Variants in PPP1R16B observed in about 807,000 individuals in gnomAD.
The protein encoded by PPP1R16B is protein phosphatase 1 regulatory inhibitor subunit 16B.
In PPP1R16B, 14 loss-of-function variants were observed where a neutral mutation model predicts 61.7. The ratio of observed to expected loss-of-function variants is 0.23; its 90% confidence interval spans 0.15 to 0.35. The LOEUF (loss-of-function observed/expected upper bound fraction) is 0.35, where lower values mean the gene tolerates loss of function less well. PPP1R16B is among the 10% of genes least tolerant of loss of function. The pLI is 1.00. For synonymous variants in PPP1R16B, 266 were observed against 305.3 expected (o/e 0.87, Z 1.34); for missense variants, 547 against 752.5 (o/e 0.73, Z 3.19).
chr20:38,871,748 C>T (rs2085131615), intron 2 of PPP1R16B, among the ~76,000 whole-genome samples: 1 of 151,896 alleles, frequency 6.6e-6, no homozygotes. Flanking sequence ...GCAGAGATAC[C>T]CTCACAGAGC....
chr20:38,827,553 G>C lies in PPP1R16B; in HGVS notation c.-101-8272G>C, dbSNP rs1175985751. ...AAGGAGCACAGCTGGGAGAATTGGA[G>C]TTACGGAGTTGACCTGTGGGGATCT... is the stretch of plus-strand genomic sequence containing the variant. On this transcript the variant is annotated intron_variant, in intron 1 of 10. Coordinates refer to ENST00000299824, the MANE Select transcript of PPP1R16B (RefSeq NM_015568.4). Among the ~76,000 whole-genome samples the C allele has an allele frequency of 2.0e-5, 3 of 152,234 alleles. No homozygotes were observed. The East Asian group carries it at 5.8e-4, about 29-fold the overall frequency.
intron 1 of PPP1R16B, among the ~76,000 whole-genome samples, chr20:38,835,132 C>T (rs920314777): frequency 2.6e-5 from 4 of 152,204 alleles, no homozygotes; most frequent in Admixed American, 2.6e-4. Flanking sequence ...TCCCAGACCA[C>T]ACTTTGAGAA....
intron 1 of PPP1R16B, among the ~76,000 whole-genome samples, chr20:38,825,459 A>G (rs2084799916): frequency 6.6e-6 from 1 of 152,228 alleles, no homozygotes; most frequent in Non-Finnish European, 1.5e-5. Flanking sequence ...AACAAACCAG[A>G]TAGACCAATT....
intron 1 of PPP1R16B, among the ~76,000 whole-genome samples, chr20:38,819,945 T>C (rs1444838381): frequency 6.6e-6 from 1 of 152,172 alleles, no homozygotes; most frequent in Middle Eastern, 3.2e-3. Context: ...CAACCCCGTA[T>C]GTCCCTTTCC....
At chr20:38,847,201 G>T (rs1026980331) in intron 2 of PPP1R16B, among the ~76,000 whole-genome samples, 6 of 152,132 alleles carry the variant, frequency 3.9e-5, no homozygotes, top group Non-Finnish European at 8.8e-5. Context: ...ATCAATGCTG[G>T]ATGATGACAT....
At chr20:38,815,173 C>T (rs115046435) in intron 1 of PPP1R16B, among the ~76,000 whole-genome samples, 509 of 152,244 alleles carry the variant, frequency 3.3e-3, no homozygotes, top group African/African-American at 0.011. Flanking sequence ...CCCTTTTCCC[C>T]GGAATAAATC....
chr20:38,816,160 AT>A (rs2084734013), intron 1 of PPP1R16B, among the ~76,000 whole-genome samples: 1 of 152,056 alleles, frequency 6.6e-6, no homozygotes, highest in Non-Finnish European at 1.5e-5. Context: ...GGGGTGAGTA[AT>A]TTTAGAATAG....
intron 1 of PPP1R16B, among the ~76,000 whole-genome samples, chr20:38,808,177 G>A (rs1277676190): frequency 6.6e-6 from 1 of 152,210 alleles, no homozygotes; most frequent in Admixed American, 6.5e-5. Context: ...ACAACCCCGT[G>A]AAGTAGGCAT....
At chr20:38,818,491 A>G (rs962706290) in intron 1 of PPP1R16B, among the ~76,000 whole-genome samples, 5 of 152,178 alleles carry the variant, frequency 3.3e-5, no homozygotes, top group Admixed American at 3.3e-4. Flanking sequence ...AGGCAGTGGG[A>G]GCCATCAGAT....
intron 10 of PPP1R16B, among the ~76,000 whole-genome samples, chr20:38,911,201 C>T (rs1380756055): frequency 1.5e-5 from 2 of 136,924 alleles, no homozygotes; most frequent in Non-Finnish European, 3.1e-5. Flanking sequence ...GAGTCTTGCT[C>T]TGTCCCCCAG....
At chr20:38,861,802 G>C (rs58067470) in intron 2 of PPP1R16B, among the ~76,000 whole-genome samples, 1 of 150,398 alleles carries the variant, frequency 6.6e-6, no homozygotes, top group East Asian at 2.0e-4. Flanking sequence ...TCGGCCTCCC[G>C]AGTAGCTGGG....
chr20:38,903,200 C>T (rs887953474), intron 6 of PPP1R16B, among the ~76,000 whole-genome samples: 7 of 152,224 alleles, frequency 4.6e-5, no homozygotes, highest in South Asian at 2.1e-4. Flanking sequence ...GAGCCTGGGT[C>T]GGAGACCTGG....
At chr20:38,905,931 A>G (rs2085437478) in intron 6 of PPP1R16B, 38 bp from the exon 7 acceptor site, 1 of 1,597,812 alleles carries the variant, frequency 6.3e-7, no homozygotes, top group African/African-American at 1.3e-5. Flanking sequence ...TGTGGGGCTG[A>G]TCCCCTGAGG....
chr20:38,876,481 C>T (rs1266743911), intron 2 of PPP1R16B, among the ~76,000 whole-genome samples: 2 of 151,682 alleles, frequency 1.3e-5, no homozygotes, highest in Non-Finnish European at 2.9e-5. Flanking sequence ...TGATATGCCA[C>T]TTTCATGTAA....
rs570524600 is a variant in PPP1R16B, at chr20:38,847,380, C to T, written c.250+11205C>T. ...TTTTTTTGTTGTTGTTGTTTTGAGA[C>T]GGAGTCTCACTCTGTCCCCAGGCTG... On this transcript the variant is annotated intron_variant, in intron 2 of 10. Transcript: ENST00000299824. Among the ~76,000 whole-genome samples, 20 of 152,224 alleles carry T rather than the reference C, an allele frequency of 1.3e-4. No homozygotes were observed. The East Asian group carries it at 2.3e-3, about 18-fold the overall frequency.
chr20:38,899,036 AG>A (rs1172170771), intron 4 of PPP1R16B, among the ~76,000 whole-genome samples: 6 of 152,174 alleles, frequency 3.9e-5, no homozygotes, highest in African/African-American at 1.4e-4. Flanking sequence ...TGATCATCTG[AG>A]GGCAAGGAGT....
chr20:38,838,638 G>A (rs973565742), intron 2 of PPP1R16B: 1 of 152,250 alleles, frequency 6.6e-6, no homozygotes, highest in African/African-American at 2.4e-5. Context: ...GGCTTGTCAT[G>A]ATGTCTAATT....
chr20:38,908,421 G>C (rs551137911), intron 10 of PPP1R16B, among the ~76,000 whole-genome samples: 1 of 152,360 alleles, frequency 6.6e-6, no homozygotes, highest in South Asian at 2.1e-4. Flanking sequence ...GAGTGTGTTA[G>C]AGGCTGAGCT....
chr20:38,824,345 T>A (rs2084791097), intron 1 of PPP1R16B, among the ~76,000 whole-genome samples: 1 of 152,266 alleles, frequency 6.6e-6, no homozygotes, highest in Non-Finnish European at 1.5e-5. Flanking sequence ...AGTTGGTCTC[T>A]CTGGTTTTTT....
Sources: gnomAD v4.1 joint callset for allele counts (sites outside exome capture counted in the v4.1 genomes callset) on GRCh38, gnomAD v4.1.1 for gene constraint, MANE v1.5 for transcripts, NCBI Gene and HGNC (gene_info 2026-07-23, HGNC 2026-07-21) for gene names.